SMU1: variants seen among roughly 807,000 people sequenced by gnomAD.
SMU1 encodes the protein SMU1 DNA replication regulator and spliceosomal factor.
A neutral mutation model predicts 62.0 loss-of-function variants in SMU1; 2 were observed. That is an observed-to-expected ratio of 0.03 (90% confidence interval 0.01 to 0.10). The LOEUF is 0.10. Ranked by LOEUF, SMU1 falls within the 10% of genes least tolerant of loss-of-function variation. The pLI is 1.00. For synonymous variants in SMU1, 188 were observed against 212.4 expected (o/e 0.89, Z 1.00); for missense variants, 227 against 622.1 (o/e 0.36, Z 6.76).
At chr9:33,069,172 T>C (rs1401290407) in intron 3 of SMU1, among the ~76,000 whole-genome samples, 2 of 152,222 alleles carry the variant, frequency 1.3e-5, no homozygotes, top group Non-Finnish European at 2.9e-5. Context: ...CACACTATTA[T>C]TATTTTTTCA....
chr9:33,058,180 T>A (rs1839322182), intron 6 of SMU1, among the ~76,000 whole-genome samples: 1 of 152,216 alleles, frequency 6.6e-6, no homozygotes, highest in South Asian at 2.1e-4. Flanking sequence ...TATTTTTTTC[T>A]AATTATAAAG....
intron 4 of SMU1, among the ~76,000 whole-genome samples, chr9:33,065,504 T>C (rs1050644011): frequency 5.9e-5 from 9 of 151,528 alleles, no homozygotes; most frequent in Admixed American, 3.9e-4. Context: ...AAGAAAAAAA[T>C]GTTAGTTAAA....
In SMU1 at chr9:33,050,994, G is replaced by A. The variant is rs1303658508; in HGVS notation, c.1290+2129C>T. On this transcript the variant is annotated intron_variant, in intron 10 of 11. Transcript: ENST00000397149. ...AAATTAGCCGGGCGTGGTGGCGGGC[G>A]CCTGTAGTCCCAGCTACTCGGGAGG... is the stretch of plus-strand genomic sequence containing the variant. Among the ~76,000 whole-genome samples, 6 of 112,346 alleles carry A rather than the reference G, an allele frequency of 5.3e-5. No homozygotes were observed. In the South Asian group the frequency reaches 1.0e-3, roughly 19 times the overall value. 73.7% of individuals were successfully genotyped at this position (112,346 alleles called of 152,430 possible).
At chr9:33,055,654 C>T (rs1360785000) in intron 9 of SMU1, among the ~76,000 whole-genome samples, 2 of 152,100 alleles carry the variant, frequency 1.3e-5, no homozygotes, top group African/African-American at 4.8e-5. Flanking sequence ...TACTCAACAC[C>T]TCTCCTATTC....
chr9:33,047,450 A>C, intron 11 of SMU1, 59 bp from the exon 12 acceptor site: 1 of 1,381,274 alleles, frequency 7.2e-7, no homozygotes. Flanking sequence ...CACTCTGATG[A>C]GGCTTCCAGA....
chr9:33,057,663 G>A lies in SMU1; in HGVS notation c.802C>T (p.Leu268Phe). 1 of 1,613,886 alleles carries A rather than the reference G, an allele frequency of 6.2e-7. No individual in the cohort carries two copies. The highest frequency in any genetic ancestry group is 8.5e-7 in the Non-Finnish European group (1 of 1,179,900). ...DNFMMMDDAVLCMCFSRDTEM... is the reference protein window; with the variant it reads ...DNFMMMDDAVFCMCFSRDTEM... ...GTATCTCTGCTGAAACACATGCAGA[G>A]GACAGCATCATCCATCATCATAAAG... The change falls in exon 7 of 12, where the codon CTC becomes TTC. Residue 268 changes from leucine (L) to phenylalanine (F), a missense_variant. Coordinates refer to ENST00000397149, the MANE Select transcript of SMU1 (RefSeq NM_018225.3).
At chr9:33,069,112 C>A (rs147435596) in intron 3 of SMU1, among the ~76,000 whole-genome samples, 178 bp from the exon 4 acceptor site, 1 of 152,084 alleles carries the variant, frequency 6.6e-6, no homozygotes, top group Non-Finnish European at 1.5e-5. Flanking sequence ...CAATTCTGCC[C>A]GCTTGCATTT....
intron 9 of SMU1, among the ~76,000 whole-genome samples, chr9:33,055,305 T>C (rs1235161569): frequency 6.6e-6 from 1 of 152,120 alleles, no homozygotes; most frequent in Non-Finnish European, 1.5e-5. Context: ...GCCTCCCAAG[T>C]AGCTAGGAAT....
At chr9:33,074,447 CACAA>C (rs1839520197) in intron 1 of SMU1, among the ~76,000 whole-genome samples, 2 of 150,062 alleles carry the variant, frequency 1.3e-5, no homozygotes, top group African/African-American at 2.5e-5. Flanking sequence ...CACACACACA[CACAA>C]AAAAAAAAAT....
rs184173271 is a variant in SMU1 at position 33,072,822 on chromosome 9, C to G, written c.237+774G>C. 1.0e-4 allele frequency among the ~76,000 whole-genome samples: 14 copies of G among 134,516 alleles called. No homozygotes were observed. The South Asian group carries it at 2.9e-3, about 28-fold the overall frequency. 88.2% of individuals were successfully genotyped at this position (134,516 alleles called of 152,430 possible). A position where few individuals can be genotyped will look rare whatever the true frequency, so the allele number is the denominator to read the frequency against. ...CCAGCCTGGGTAACACAGTGAGACT[C>G]TGTCTCAAAAAAAAAACAAAAAAAA... On this transcript the variant is annotated intron_variant, in intron 2 of 11. Coordinates refer to ENST00000397149, the MANE Select transcript of SMU1 (RefSeq NM_018225.3).
At chr9:33,060,974 G>A (rs1007951432) in intron 5 of SMU1, among the ~76,000 whole-genome samples, 1 of 152,102 alleles carries the variant, frequency 6.6e-6, no homozygotes, top group African/African-American at 2.4e-5. Context: ...GTGTATCTCA[G>A]GGGGAAAAAA....
chr9:33,048,334 C>A, intron 10 of SMU1, 76 bp from the exon 11 acceptor site: 1 of 1,555,724 alleles, frequency 6.4e-7, no homozygotes, highest in South Asian at 1.2e-5. Context: ...TTTAAACTGA[C>A]ATTTTTACGT....
chr9:33,049,276 A>C (rs1266251193), intron 10 of SMU1, among the ~76,000 whole-genome samples: 1 of 152,250 alleles, frequency 6.6e-6, no homozygotes, highest in Non-Finnish European at 1.5e-5. Context: ...GGAACAGGAT[A>C]CAAAGCCCAG....
Position 33,062,091 on chromosome 9 carries a change from C to T in SMU1, c.588G>A (p.Val196=), listed in dbSNP as rs371866888. ...LFRGKAAVKD[V]EEEKFPTQLS... ...GTTGTGTAGGAAACTTTTCTTCTTCCACATCTTTGACAGCTGCCTTGCCTC... is the reference window on the plus strand; with the variant it reads ...GTTGTGTAGGAAACTTTTCTTCTTCTACATCTTTGACAGCTGCCTTGCCTC... The change falls in exon 5 of 12, where the codon GTG becomes GTA. Residue 196 remains valine, a synonymous_variant. Transcript: ENST00000397149. The T allele has an allele frequency of 6.2e-7, 1 of 1,614,090 alleles. No individual in the cohort carries two copies. The highest frequency in any genetic ancestry group is 8.5e-7 in the Non-Finnish European group (1 of 1,179,984).
intron 10 of SMU1, among the ~76,000 whole-genome samples, chr9:33,049,788 A>ACACACACACACACACACACAC (rs1564019330): frequency 6.6e-6 from 1 of 150,944 alleles, no homozygotes; most frequent in African/African-American, 2.4e-5. Flanking sequence ...ACACACACAC[A>ACACACACACACACACACACAC]AAAGTCGGGC....
rs150151091 is a variant in SMU1, at chr9:33,068,570, A to G, written c.501+254T>C. 4.6e-5 allele frequency among the ~76,000 whole-genome samples: 7 copies of G among 152,208 alleles called. No individual in the cohort carries two copies. The East Asian group carries it at 1.4e-3, about 29-fold the overall frequency. On this transcript the variant is annotated intron_variant, in intron 4 of 11. Transcript: ENST00000397149. ...GTTGCCCAAGCTGGAGTATAATGGC[A>G]TGATCATAGCTGTCATCTCAATCTT...
rs1839157482 is a variant in SMU1 at position 33,044,239 on chromosome 9, ACT to A, written c.*3052_*3053del. 1.3e-5 allele frequency: 2 copies of A among 152,530 alleles called. No individual in the cohort carries two copies. The highest frequency in any genetic ancestry group is 4.8e-5 in the African/African-American group (2 of 41,568). The allele number at this position is 152,530 out of a possible 1,614,324, so 9.4% of individuals were successfully genotyped here. On this transcript the variant is annotated 3_prime_UTR_variant, in exon 12 of 12. Coordinates refer to ENST00000397149, the MANE Select transcript of SMU1 (RefSeq NM_018225.3). ...ACGCCCAATTCAGAAGGAAGTGAGC[ACT>A]GATTCCCGGCAGCCAACTCCCGTTC...
rs893019716 is a variant in SMU1, at chr9:33,045,364, T to C, written c.*1929A>G. On this transcript the variant is annotated 3_prime_UTR_variant, in exon 12 of 12. Coordinates refer to ENST00000397149, the MANE Select transcript of SMU1 (RefSeq NM_018225.3). ...AACTCCCACGACCATTTTTAAATCATCAAAATGGCAGCAAATGTCATTACC... is the reference window on the plus strand; with the variant it reads ...AACTCCCACGACCATTTTTAAATCACCAAAATGGCAGCAAATGTCATTACC... 6.6e-6 allele frequency: 1 copy of C among 152,204 alleles called. No homozygotes were observed. Among genetic ancestry groups the C allele is most frequent in the Non-Finnish European group, 1.5e-5 (1 of 68,034 alleles). The allele number at this position is 152,204 out of a possible 1,614,324, so 9.4% of individuals were successfully genotyped here. A position where few individuals can be genotyped will look rare whatever the true frequency, so the allele number is the denominator to read the frequency against.
At chr9:33,064,368 T>A (rs1419819631) in intron 4 of SMU1, among the ~76,000 whole-genome samples, 2 of 152,220 alleles carry the variant, frequency 1.3e-5, no homozygotes, top group African/African-American at 4.8e-5. Context: ...TGATAGATTA[T>A]ATTATCTCCC....
Sources: gnomAD v4.1 joint callset for allele counts (sites outside exome capture counted in the v4.1 genomes callset) on GRCh38, gnomAD v4.1.1 for gene constraint, MANE v1.5 for transcripts, NCBI Gene and HGNC (gene_info 2026-07-23, HGNC 2026-07-21) for gene names.